The following SVEP1 variants were observed in gnomAD, a reference collection of about 807,000 sequenced individuals.
The protein encoded by SVEP1 is sushi, von Willebrand factor type A, EGF and pentraxin domain-containing protein 1.
In SVEP1, 164 loss-of-function variants were observed where a neutral mutation model predicts 367.3. The observed-to-expected ratio is 0.45, with a 90% confidence interval of 0.39 to 0.51. The LOEUF (loss-of-function observed/expected upper bound fraction) is 0.51, where lower values mean the gene tolerates loss of function less well. Among genes scored for constraint, SVEP1 ranks in the 20% least tolerant of loss-of-function variants. The probability of loss-of-function intolerance (pLI) is 0.00; values close to 1 mark genes in which losing one functional copy is unlikely to be tolerated. For synonymous variants in SVEP1, 1,666 were observed against 1,611.6 expected (o/e 1.03, Z -0.81); for missense variants, 4,117 against 4,425.3 (o/e 0.93, Z 1.98).
In SVEP1 at chr9:110,408,813, C is replaced by T. The variant is rs370877731; in HGVS notation, c.6787G>A (p.Asp2263Asn). The change falls in exon 38 of 48, where the codon GAC (aspartate) becomes AAC (asparagine). Residue 2263 changes from aspartate to asparagine, a missense_variant. Transcript: ENST00000374469. ...SESPLMCVPL[D>N]CGKPPPIQNG... Reference sequence around the variant, plus strand: ...TGGATCGGGGGAGGTTTTCCACAGTCGAGAGGAACACACATCAGAGGGGAT... The same window carrying T: ...TGGATCGGGGGAGGTTTTCCACAGTTGAGAGGAACACACATCAGAGGGGAT... 2.1e-5 allele frequency: 34 copies of T among 1,612,914 alleles called. No homozygotes were observed. The highest frequency in any genetic ancestry group is 9.3e-5 in the African/African-American group (7 of 74,878).
At chr9:110,429,721 G>T (rs1828321891) in intron 34 of SVEP1, among the ~76,000 whole-genome samples, 199 bp downstream of exon 34, 1 of 151,684 alleles carries the variant, frequency 6.6e-6, no homozygotes, top group Non-Finnish European at 1.5e-5. Flanking sequence ...ATTGGTCAGG[G>T]GATTTAAGGA....
At chr9:110,379,847 T>C (rs1427265671) in intron 43 of SVEP1, among the ~76,000 whole-genome samples, 1 of 152,174 alleles carries the variant, frequency 6.6e-6, no homozygotes, top group Non-Finnish European at 1.5e-5. Context: ...ACAGGATGCT[T>C]ATTAAATTAG....
Position 110,579,258 on chromosome 9 carries a change from C to G in SVEP1, c.286G>C (p.Glu96Gln). The change falls in exon 1 of 48, where the codon GAA becomes CAA. Residue 96 changes from glutamate to glutamine, a missense_variant. Around this residue, in one of 4 missense-constraint regions of SVEP1, gnomAD observed 161 missense variants for 122.4 expected, o/e 1.32. Transcript: ENST00000374469. The surrounding 1 kb of genome is among the most constrained non-coding windows in gnomAD (Gnocchi z 5.3). ...FLVDDSSSVG[E>Q]VNFRSELMFV... ...ATGAGCTCGCTGCGGAAGTTGACTT[C>G]GCCCACGCTGGACGAATCATCCACC... The G allele has an allele frequency of 6.4e-7, 1 of 1,571,024 alleles. No homozygotes were observed. The highest frequency in any genetic ancestry group is 1.4e-5 in the African/African-American group (1 of 73,926).
intron 42 of SVEP1, among the ~76,000 whole-genome samples, chr9:110,386,590 A>AACTAG (rs758299725): frequency 2.0e-5 from 3 of 152,076 alleles, no homozygotes; most frequent in Non-Finnish European, 2.9e-5. Context: ...AGGATATTAG[A>AACTAG]ACTAGTGGAG....
Position 110,547,986 on chromosome 9 carries a change from G to A in SVEP1, c.788-1695C>T, listed in dbSNP as rs527795076. 3.9e-5 allele frequency among the ~76,000 whole-genome samples: 6 copies of A among 152,188 alleles called. No homozygotes were observed. In the East Asian group the frequency reaches 1.2e-3, roughly 29 times the overall value. On this transcript the variant is annotated intron_variant, in intron 2 of 47. Transcript: ENST00000374469. ...TTTCCTTGTTGACTCTAGTTTCTGG[G>A]TCAACTTCCATCAGGACAGAAGTCT...
Position 110,428,764 on chromosome 9 carries a change from A to G in SVEP1, c.5807+379T>C, listed in dbSNP as rs143391172. On this transcript the variant is annotated intron_variant, in intron 35 of 47. Transcript: ENST00000374469. ...TGTTTTTAGAGTCAGCCAGTCACGT[A>G]CAAATGAAACCTATTGAGTAAAGAA... Among the ~76,000 whole-genome samples, 239 of 132,418 alleles carry G rather than the reference A, an allele frequency of 1.8e-3. 1 individual carries two copies. Among genetic ancestry groups the G allele is most frequent in the African/African-American group, 5.8e-3 (227 of 39,270 alleles). The allele number at this position is 132,418 out of a possible 152,430, so 86.9% of individuals were successfully genotyped here. A position where few individuals can be genotyped will look rare whatever the true frequency, so the allele number is the denominator to read the frequency against.
chr9:110,579,697 G>T lies in SVEP1; in HGVS notation c.-154C>A. ...GCCCTTTCATCTGACACTGGGGACA[G>T]ACACAATCCAGACTCCTCAGCAGCT... On this transcript the variant is annotated 5_prime_UTR_variant, in exon 1 of 48. In the 5' UTR this introduces an upstream ATG that the reference lacks. Coordinates refer to ENST00000374469, the MANE Select transcript of SVEP1 (RefSeq NM_153366.4). The surrounding 1 kb of genome is among the most constrained non-coding windows in gnomAD (Gnocchi z 5.3). The T allele has an allele frequency of 1.1e-6, 1 of 923,178 alleles. No homozygotes were observed. The highest frequency in any genetic ancestry group is 1.5e-6 in the Non-Finnish European group (1 of 658,226). 57.2% of individuals were successfully genotyped at this position (923,178 alleles called of 1,614,324 possible).
At chr9:110,404,271 C>T (rs1288337654) in intron 39 of SVEP1, 56 bp downstream of exon 39, 4 of 1,531,282 alleles carry the variant, frequency 2.6e-6, no homozygotes, top group Non-Finnish European at 3.6e-6. Flanking sequence ...ATACTGCTTG[C>T]TTGGCAATAT....
At chr9:110,547,434 G>A (rs773297610) in intron 2 of SVEP1, among the ~76,000 whole-genome samples, 1 of 152,154 alleles carries the variant, frequency 6.6e-6, no homozygotes. Context: ...AATTAGCTGG[G>A]CATGGTGGTA....
chr9:110,377,198 TG>T, intron 45 of SVEP1, 72 bp downstream of exon 45: 1 of 1,395,244 alleles, frequency 7.2e-7, no homozygotes, highest in Non-Finnish European at 1.0e-6. Flanking sequence ...AACCATTTCC[TG>T]GTAACTCCCC....
At chr9:110,440,588 G>C (rs1828497853) in intron 27 of SVEP1, among the ~76,000 whole-genome samples, 1 of 152,230 alleles carries the variant, frequency 6.6e-6, no homozygotes, top group Non-Finnish European at 1.5e-5. Flanking sequence ...GAGGCATGCA[G>C]AGTCAAAGAA....
chr9:110,431,192 A>G (rs866728698), intron 32 of SVEP1, among the ~76,000 whole-genome samples: 2 of 152,222 alleles, frequency 1.3e-5, no homozygotes, highest in South Asian at 2.1e-4. Context: ...TCCATAGTGA[A>G]TATCACCTAA....
chr9:110,465,664 G>A (rs976598412), intron 18 of SVEP1, among the ~76,000 whole-genome samples: 3 of 152,132 alleles, frequency 2.0e-5, no homozygotes, highest in Non-Finnish European at 4.4e-5. Context: ...CCAGCCCGGT[G>A]TTTACACGGC....
At chr9:110,500,612 G>T (rs1829516633) in intron 6 of SVEP1, among the ~76,000 whole-genome samples, 1 of 151,968 alleles carries the variant, frequency 6.6e-6, no homozygotes, top group South Asian at 2.1e-4. Context: ...AATCTATGAA[G>T]AATTTATTTC....
Position 110,579,073 on chromosome 9 carries a change from G to A in SVEP1, c.471C>T (p.Ile157=), listed in dbSNP as rs754735417. 6.4e-7 allele frequency: 1 copy of A among 1,551,080 alleles called. No individual in the cohort carries two copies. The highest frequency in any genetic ancestry group is 1.2e-5 in the South Asian group (1 of 84,086). The change falls in exon 1 of 48, where the codon ATC becomes ATT. Residue 157 remains isoleucine (I), a synonymous_variant. Coordinates refer to ENST00000374469, the MANE Select transcript of SVEP1 (RefSeq NM_153366.4). This position sits in a 1 kb window ranked among gnomAD's most constrained non-coding sequence, Gnocchi z 5.3. The part of the protein sequence containing the change: ...QHKCALLLQE[I]PAISYRGGGT... ...CGCCACCTCGGTAGGAGATGGCAGG[G>A]ATCTCTTGGAGGAGCAGCGCGCACT...
In SVEP1 at chr9:110,479,696, C is replaced by T; in HGVS notation, c.2426G>A (p.Cys809Tyr). The T allele has an allele frequency of 6.2e-7, 1 of 1,611,012 alleles. No individual in the cohort carries two copies. The highest frequency in any genetic ancestry group is 8.5e-7 in the Non-Finnish European group (1 of 1,179,006). The stretch of plus-strand genomic sequence containing the variant: ...CTTCTTCATCAGATCTGTGTCATCA[C>T]AACGAGCTGCTTTGTAGAACATCTC... ...SFEMFYKAAR[C>Y]DDTDLMKKFS... Residue 809 changes from cysteine to tyrosine, a missense_variant, in exon 13 of 48, where the codon TGT becomes TAT. Transcript: ENST00000374469.
At chr9:110,480,746 C>T (rs1352267708) in intron 12 of SVEP1, among the ~76,000 whole-genome samples, 1 of 152,034 alleles carries the variant, frequency 6.6e-6, no homozygotes, top group Non-Finnish European at 1.5e-5. Context: ...ACTTTCCCAA[C>T]TTAGCCTCCT....
intron 43 of SVEP1, among the ~76,000 whole-genome samples, chr9:110,385,660 G>A (rs1827510004): frequency 6.7e-6 from 1 of 148,840 alleles, no homozygotes; most frequent in Non-Finnish European, 1.5e-5. Context: ...ATTCTTAGAG[G>A]AGCACATTTT....
chr9:110,554,794 G>A (rs1830336147), intron 1 of SVEP1, among the ~76,000 whole-genome samples: 1 of 151,634 alleles, frequency 6.6e-6, no homozygotes, highest in African/African-American at 2.4e-5. Context: ...CATTCCAGGG[G>A]AAAAGTGTTA....
Sources: gnomAD v4.1 joint callset for allele counts (sites outside exome capture counted in the v4.1 genomes callset) on GRCh38, gnomAD v4.1.1 for gene constraint, gnomAD v4.1.1 regional missense constraint, Gnocchi (gnomAD v3.1) non-coding constraint, MANE v1.5 for transcripts, NCBI Gene and HGNC (gene_info 2026-07-23, HGNC 2026-07-21) for gene names.